Variants in ATP10B observed in about 807,000 individuals in gnomAD.
ATP10B encodes the protein phospholipid-transporting ATPase VB.
Under a neutral mutation model 141.2 loss-of-function variants are expected in ATP10B, and 122 were observed. That is an observed-to-expected ratio of 0.86 (90% confidence interval 0.75 to 1.00). The LOEUF (loss-of-function observed/expected upper bound fraction) is 1.00, where lower values mean the gene tolerates loss of function less well. Among genes scored for constraint, ATP10B ranks in the 50% least tolerant of loss-of-function variants. The pLI, the probability that ATP10B is intolerant of heterozygous loss-of-function variation, is 0.00. For synonymous variants in ATP10B, 685 were observed against 692.0 expected (o/e 0.99, Z 0.16); for missense variants, 1,876 against 1,825.3 (o/e 1.03, Z -0.51).
chr5:160,687,719 T>G, intron 5 of ATP10B, 81 bp downstream of exon 5: 1 of 1,482,406 alleles, frequency 6.7e-7, no homozygotes, highest in South Asian at 1.3e-5. Context: ...GAGCCGAGAT[T>G]GCACGACTAT....
chr5:160,922,908 C>T, the ATP10B span, among the ~76,000 whole-genome samples: 3 of 152,304 alleles, frequency 2.0e-5, no homozygotes, highest in Non-Finnish European at 4.4e-5. Flanking sequence ...CTCTGAGGGT[C>T]CTGAAATGCA....
At chr5:160,776,340 T>C (rs4072308) in intron 2 of ATP10B, among the ~76,000 whole-genome samples, 14,977 of 152,244 alleles carry the variant, frequency 0.098, 913 homozygotes, top group Middle Eastern at 0.14. Flanking sequence ...ATTCTGAGTT[T>C]GTACATTTAT....
chr5:160,670,406 G>T, intron 7 of ATP10B, 57 bp downstream of exon 7: 1 of 1,570,598 alleles, frequency 6.4e-7, no homozygotes, highest in South Asian at 1.1e-5. Flanking sequence ...TTTCCAGTAG[G>T]GTAGGCTTGC....
At chr5:160,611,865 A>G (rs142822622) in intron 18 of ATP10B, 1 of 152,274 alleles carries the variant, frequency 6.6e-6, no homozygotes, top group East Asian at 1.9e-4. Flanking sequence ...AATATCCTCC[A>G]TGGAATCCAA....
At chr5:160,797,028 G>C (rs940477719) in intron 1 of ATP10B, among the ~76,000 whole-genome samples, 1 of 152,092 alleles carries the variant, frequency 6.6e-6, no homozygotes, top group Non-Finnish European at 1.5e-5. Context: ...CAGCTGCTTG[G>C]GGGCACCCAA....
At chr5:160,882,653 C>CA in the ATP10B span, among the ~76,000 whole-genome samples, 1 of 151,636 alleles carries the variant, frequency 6.6e-6, no homozygotes, top group South Asian at 2.1e-4. Context: ...AAGTCTTATT[C>CA]AAAGATGAGT....
Position 160,686,163 on chromosome 5 carries a change from A to G in ATP10B, c.386T>C (p.Ile129Thr), listed in dbSNP as rs1475776934. ...GTCCTCCATGCCATCCTTGATCATG[A>G]TGACGAACAGGACAATGGCCAATGG... ...MLPLAIVLFV[I>T]MIKDGMEDFK... Residue 129 changes from isoleucine to threonine, a missense_variant, in exon 6 of 26, where the codon ATC (isoleucine) becomes ACC (threonine). Ile to Thr is a moderately conservative substitution (Grantham distance 89, BLOSUM62 -1). Transcript: ENST00000327245. 1.2e-6 allele frequency: 2 copies of G among 1,613,402 alleles called. No individual in the cohort carries two copies. The highest frequency in any genetic ancestry group is 3.3e-5 in the Admixed American group (2 of 59,986).
At chr5:160,860,597 G>C in the ATP10B span, among the ~76,000 whole-genome samples, 1 of 151,934 alleles carries the variant, frequency 6.6e-6, no homozygotes, top group Non-Finnish European at 1.5e-5. Flanking sequence ...AATGTTGAAG[G>C]GGGCATGAAC....
At chr5:160,628,691 G>T (rs957360575) in intron 13 of ATP10B, among the ~76,000 whole-genome samples, 1 of 152,142 alleles carries the variant, frequency 6.6e-6, no homozygotes, top group African/African-American at 2.4e-5. Flanking sequence ...AAGATATTCT[G>T]TGGTCTGATG....
At chr5:160,912,795 C>T in the ATP10B span, among the ~76,000 whole-genome samples, 1 of 152,162 alleles carries the variant, frequency 6.6e-6, no homozygotes, top group Non-Finnish European at 1.5e-5. Context: ...GTAGATAGTT[C>T]AGCGGGGCTG....
rs771793126 is a variant in ATP10B, at chr5:160,670,559, G to A, written c.579C>T (p.Ser193=). The A allele has an allele frequency of 1.2e-6, 2 of 1,613,856 alleles. No individual in the cohort carries two copies. The highest frequency in any genetic ancestry group is 2.2e-5 in the South Asian group (2 of 91,072). The change falls in exon 7 of 26, where the codon TCC becomes TCT. Residue 193 remains serine, a synonymous_variant. Coordinates refer to ENST00000327245, the MANE Select transcript of ATP10B (RefSeq NM_025153.3). ...GATGGCATATCCCATTGGGGTCAGA[G>A]GAAAAAAGGAGGAGTATGTCTGCTG... ...IVPADILLLF[S]SDPNGICHLE...
chr5:160,627,186 G>A (rs1446845219), intron 13 of ATP10B, among the ~76,000 whole-genome samples: 1 of 152,086 alleles, frequency 6.6e-6, no homozygotes, highest in Non-Finnish European at 1.5e-5. Context: ...CAGCCCAGGG[G>A]CCAACCTTTC....
chr5:160,825,180 T>C (rs921167400), intron 1 of ATP10B, among the ~76,000 whole-genome samples: 3 of 152,340 alleles, frequency 2.0e-5, no homozygotes, highest in South Asian at 4.2e-4. Flanking sequence ...TCCAAGGACC[T>C]AGCACATGTC....
intron 10 of ATP10B, 36 bp from the exon 11 acceptor site, chr5:160,636,345 T>C: frequency 6.2e-7 from 1 of 1,603,120 alleles, no homozygotes; most frequent in Non-Finnish European, 8.5e-7. Context: ...AGGCTGAATC[T>C]CTACTAAGTC....
At chr5:160,826,362 C>T (rs767875601) in intron 1 of ATP10B, among the ~76,000 whole-genome samples, 8 of 152,120 alleles carry the variant, frequency 5.3e-5, no homozygotes, top group Admixed American at 2.6e-4. Context: ...GAACGTAAAT[C>T]GTGAAGATTT....
chr5:160,663,594 A>C (rs1447292585), intron 7 of ATP10B, among the ~76,000 whole-genome samples: 1 of 152,128 alleles, frequency 6.6e-6, no homozygotes, highest in Non-Finnish European at 1.5e-5. Context: ...AACATTGAGA[A>C]CACATGGACA....
intron 1 of ATP10B, among the ~76,000 whole-genome samples, chr5:160,821,215 C>T (rs1193451330): frequency 6.6e-6 from 1 of 151,824 alleles, no homozygotes; most frequent in East Asian, 1.9e-4. Flanking sequence ...TTTTATATAC[C>T]AACAGTGAAC....
intron 1 of ATP10B, among the ~76,000 whole-genome samples, chr5:160,804,928 TGTCA>T (rs763101717): frequency 2.0e-5 from 3 of 152,236 alleles, no homozygotes; most frequent in Non-Finnish European, 4.4e-5. Flanking sequence ...AAAGTCCTGC[TGTCA>T]GTATTGCAGA....
intron 21 of ATP10B, 125 bp from the exon 22 acceptor site, chr5:160,599,095 A>G: frequency 1.3e-6 from 1 of 747,988 alleles, no homozygotes; most frequent in Non-Finnish European, 2.2e-6. Flanking sequence ...AGGGTTATGT[A>G]AGGATGAGAG....
Sources: allele counts gnomAD v4.1 joint callset (sites outside exome capture counted in the v4.1 genomes callset), GRCh38; gene constraint gnomAD v4.1.1; transcripts MANE v1.5; gene names NCBI Gene and HGNC (gene_info 2026-07-23, HGNC 2026-07-21).